Variants in MGAM observed in about 807,000 individuals in gnomAD.
The protein encoded by MGAM is maltase-glucoamylase, also known as alpha-1,4-glucosidase.
In MGAM, 253 loss-of-function variants were observed where a neutral mutation model predicts 358.8. The ratio of observed to expected loss-of-function variants is 0.71; its 90% CI spans 0.64 to 0.78. The LOEUF (loss-of-function observed/expected upper bound fraction) is 0.78, where lower values mean the gene tolerates loss of function less well. MGAM is among the 30% of genes least tolerant of loss of function. The pLI is 0.00. For missense variants in MGAM, 3,080 were observed against 3,432.6 expected (o/e 0.90, Z 2.57); for synonymous variants, 1,105 against 1,227.1 (o/e 0.90, Z 2.08).
chr7:142,099,944 G>C (rs1816299032), intron 67 of MGAM, among the ~76,000 whole-genome samples: 1 of 152,094 alleles, frequency 6.6e-6, no homozygotes, highest in Non-Finnish European at 1.5e-5. Context: ...TGTCTAAGTG[G>C]GTGAGTTGAT....
At chr7:142,000,724 A>T (rs537584709) in intron 1 of MGAM, among the ~76,000 whole-genome samples, 1 of 152,304 alleles carries the variant, frequency 6.6e-6, no homozygotes, top group African/African-American at 2.4e-5. Context: ...TTATTTGTAT[A>T]TACATTGATT....
Position 141,998,040 on chromosome 7 carries a change from C to T in MGAM, c.-3+2110C>T, listed in dbSNP as rs73740226. On this transcript the variant is annotated intron_variant, in intron 1 of 70. Transcript: ENST00000475668. ...ACACATCAAACGCTGGCTATAATGCCGGAAAGAGGACAAATATCCAGTTTT... is the reference window on the plus strand; with the variant it reads ...ACACATCAAACGCTGGCTATAATGCTGGAAAGAGGACAAATATCCAGTTTT... Among the ~76,000 whole-genome samples the T allele has an allele frequency of 3.0e-3, 451 of 152,154 alleles. 7 individuals are homozygous for T. Among genetic ancestry groups the T allele is most frequent in the African/African-American group, 0.01 (415 of 41,496 alleles).
chr7:142,019,758 C>T (rs180792920), intron 4 of MGAM, among the ~76,000 whole-genome samples: 29 of 152,292 alleles, frequency 1.9e-4, no homozygotes, highest in African/African-American at 5.8e-4. Flanking sequence ...AGCCCCTCTT[C>T]TTCCTCCTAC....
chr7:141,992,042 A>G (rs1803970377), upstream of MGAM, among the ~76,000 whole-genome samples: 1 of 152,062 alleles, frequency 6.6e-6, no homozygotes, highest in Non-Finnish European at 1.5e-5. Context: ...CGGAATTCTG[A>G]TTTGGGGTCG....
intron 8 of MGAM, 39 bp downstream of exon 8, chr7:142,025,188 A>AT (rs1554460441): frequency 1.4e-6 from 2 of 1,439,650 alleles, no homozygotes; most frequent in Non-Finnish European, 2.0e-6. Context: ...CACAAGAGTG[A>AT]TTTTCAGTCC....
intron 21 of MGAM, among the ~76,000 whole-genome samples, chr7:142,042,014 A>T (rs1808797176): frequency 2.2e-4 from 5 of 22,422 alleles, no homozygotes; most frequent in African/African-American, 1.1e-3. Flanking sequence ...TATATAATAT[A>T]ATATATATAT....
In MGAM at chr7:142,032,860, G is replaced by A. The variant is rs782097584; in HGVS notation, c.1620G>A (p.Ser540=). Residue 540 remains serine, a synonymous_variant, in exon 14 of 71, where the codon TCG becomes TCA. Transcript: ENST00000475668. ...AAGTCTCCAACTTTGTTGATGGTTC[G>A]GTCTCAGGATGTTCCACAAACAACC... ...MNEVSNFVDG[S]VSGCSTNNLN... 6 of 1,608,992 alleles carry A rather than the reference G, an allele frequency of 3.7e-6. No individual in the cohort carries two copies. Among genetic ancestry groups the A allele is most frequent in the East Asian group, 2.2e-5 (1 of 44,600 alleles).
At position 142,040,766 on chromosome 7, in the gene MGAM, TC is replaced by T. The variant is rs1808443747; in HGVS notation, c.2420del (p.Pro807LeufsTer38). ...WRKQKVEMEL[P>X]GDKIGLHLRG... Reference sequence around the variant, plus strand: ...GGAAGCAAAAAGTCGAGATGGAACTTCCTGGAGACAAAATTGGACTTCACCT... The same window carrying T: ...GGAAGCAAAAAGTCGAGATGGAACTTCTGGAGACAAAATTGGACTTCACCT... On this transcript the variant is annotated frameshift_variant, in exon 21 of 71. Coordinates refer to ENST00000475668, the MANE Select transcript of MGAM (RefSeq NM_001365693.1). LOFTEE classifies it high-confidence loss of function. The T allele has an allele frequency of 6.2e-7, 1 of 1,613,180 alleles. No homozygotes were observed. The highest frequency in any genetic ancestry group is 1.3e-5 in the African/African-American group (1 of 74,864).
intron 45 of MGAM, among the ~76,000 whole-genome samples, chr7:142,074,548 A>C (rs1285795797): frequency 8.2e-6 from 1 of 122,410 alleles, no homozygotes; most frequent in Non-Finnish European, 1.6e-5. Flanking sequence ...CCAGTGAGGC[A>C]GTGAGAATAT....
At chr7:142,075,452 T>C (rs1813659833) in intron 45 of MGAM, among the ~76,000 whole-genome samples, 1 of 146,366 alleles carries the variant, frequency 6.8e-6, no homozygotes, top group African/African-American at 2.4e-5. Context: ...TACATCAAAC[T>C]AAAAGGCTCC....
chr7:142,079,726 AGTTAGTGCTGTAAT>A (rs1814076977), intron 49 of MGAM, among the ~76,000 whole-genome samples: 1 of 146,308 alleles, frequency 6.8e-6, no homozygotes, highest in Non-Finnish European at 1.5e-5. Flanking sequence ...CCTGGCAGAT[AGTTAGTGCTGTAAT>A]GTAATTGACA....
chr7:141,997,984 G>A (rs1432944836), intron 1 of MGAM, among the ~76,000 whole-genome samples: 1 of 152,082 alleles, frequency 6.6e-6, no homozygotes, highest in Non-Finnish European at 1.5e-5. Flanking sequence ...GTTAGCAAAG[G>A]ATTTTAAAAG....
In MGAM at chr7:142,042,050, AATATATAT is replaced by A. The variant is rs367917450; in HGVS notation, c.2498+1206_2498+1213del. On this transcript the variant is annotated intron_variant, in intron 21 of 70. Transcript: ENST00000475668. The stretch of plus-strand genomic sequence containing the variant: ...ATTATATTATATACATATAATATAT[AATATATAT>A]ACATATAATATATAACATACAATAT... Among the ~76,000 whole-genome samples the A allele has an allele frequency of 9.6e-4, 58 of 60,212 alleles. 1 individual carries two copies. Among genetic ancestry groups the A allele is most frequent in the African/African-American group, 4.5e-3 (54 of 12,076 alleles). The allele number at this position is 60,212 out of a possible 152,430, so 39.5% of individuals were successfully genotyped here.
intron 34 of MGAM, among the ~76,000 whole-genome samples, chr7:142,061,948 G>C (rs951355876): frequency 4.6e-5 from 7 of 152,094 alleles, no homozygotes; most frequent in Non-Finnish European, 8.8e-5. Context: ...CTTTCTTTCA[G>C]GTTAAGGTAA....
intron 25 of MGAM, 62 bp from the exon 26 acceptor site, chr7:142,052,722 T>C: frequency 1.3e-6 from 2 of 1,575,064 alleles, no homozygotes; most frequent in Non-Finnish European, 8.7e-7. Flanking sequence ...TAACCCTGTT[T>C]AGGTTAGAGA....
At chr7:142,068,784 A>G in intron 43 of MGAM, 81 bp downstream of exon 43, 1 of 1,177,304 alleles carries the variant, frequency 8.5e-7, no homozygotes, top group Non-Finnish European at 1.2e-6. Flanking sequence ...CCTTAGGTCA[A>G]ATGCTGGCTC....
chr7:142,042,910 T>TTATATA (rs1159637390), intron 21 of MGAM, among the ~76,000 whole-genome samples: 1 of 47,012 alleles, frequency 2.1e-5, no homozygotes, highest in African/African-American at 7.1e-5. Context: ...AATATCTATA[T>TTATATA]TATATATACA....
At chr7:142,003,251 A>C (rs1249960541) in intron 1 of MGAM, among the ~76,000 whole-genome samples, 1 of 152,028 alleles carries the variant, frequency 6.6e-6, no homozygotes, top group African/African-American at 2.4e-5. Flanking sequence ...GAAAGAGTGT[A>C]AGTAGCCCAA....
chr7:142,018,595 G>T (rs1806153973), intron 3 of MGAM, among the ~76,000 whole-genome samples: 2 of 151,986 alleles, frequency 1.3e-5, no homozygotes, highest in Admixed American at 1.3e-4. Context: ...TCTTCATTTT[G>T]GCTTCTACTT....
Sources: allele counts gnomAD v4.1 joint callset (sites outside exome capture counted in the v4.1 genomes callset), GRCh38; gene constraint gnomAD v4.1.1; transcripts MANE v1.5; gene names NCBI Gene and HGNC (gene_info 2026-07-23, HGNC 2026-07-21).